ZBTB16: variants seen among roughly 807,000 people sequenced by gnomAD.
ZBTB16 encodes the protein zinc finger and BTB domain-containing protein 16.
In ZBTB16, 8 loss-of-function variants were observed where a neutral mutation model predicts 56.8. The ratio of observed to expected loss-of-function variants is 0.14; its 90% CI spans 0.08 to 0.25. ZBTB16 has a LOEUF of 0.25. ZBTB16 is among the 10% of genes least tolerant of loss of function. The pLI, the probability that ZBTB16 is intolerant of heterozygous loss-of-function variation, is 1.00. For missense variants in ZBTB16, 625 were observed against 903.0 expected (o/e 0.69, Z 3.95); for synonymous variants, 363 against 368.5 (o/e 0.98, Z 0.17).
At chr11:114,108,002 A>G (rs901654217) in intron 2 of ZBTB16, among the ~76,000 whole-genome samples, 3 of 151,142 alleles carry the variant, frequency 2.0e-5, no homozygotes, top group Non-Finnish European at 4.4e-5. Context: ...GATTATTATC[A>G]TTATTATTAT....
At chr11:114,114,783 G>A (rs770408814) in intron 2 of ZBTB16, among the ~76,000 whole-genome samples, 2 of 151,602 alleles carry the variant, frequency 1.3e-5, no homozygotes, top group Admixed American at 1.3e-4. Flanking sequence ...AGGCTCAAGC[G>A]ATCCTCCTAT....
At chr11:114,216,943 TTTA>T (rs149752010) in intron 4 of ZBTB16, among the ~76,000 whole-genome samples, 136,717 of 152,086 alleles carry the variant, frequency 0.9, 61,642 homozygotes, top group East Asian at 0.94. Context: ...GATAGAGATA[TTTA>T]TTATACACAG....
intron 5 of ZBTB16, among the ~76,000 whole-genome samples, chr11:114,242,771 C>T (rs1041475592): frequency 2.6e-5 from 4 of 152,238 alleles, no homozygotes; most frequent in African/African-American, 7.2e-5. Context: ...CCCCGCCGCT[C>T]TATCCATACA....
intron 2 of ZBTB16, among the ~76,000 whole-genome samples, chr11:114,088,526 G>C (rs1237843250): frequency 6.6e-6 from 1 of 152,152 alleles, no homozygotes; most frequent in Non-Finnish European, 1.5e-5. Flanking sequence ...ATCCTATTCA[G>C]TTATACAGCC....
chr11:114,208,724 C>G (rs915280920), intron 4 of ZBTB16, among the ~76,000 whole-genome samples: 17 of 152,176 alleles, frequency 1.1e-4, no homozygotes, highest in African/African-American at 3.9e-4. Context: ...CCTGCACGTA[C>G]CACCACCACA....
At chr11:114,129,300 A>G (rs1395191326) in intron 2 of ZBTB16, among the ~76,000 whole-genome samples, 1 of 152,248 alleles carries the variant, frequency 6.6e-6, no homozygotes, top group Non-Finnish European at 1.5e-5. Flanking sequence ...TGACTCTGCA[A>G]TTACTGAGTA....
intron 2 of ZBTB16, among the ~76,000 whole-genome samples, chr11:114,073,795 G>GT (rs770470883): frequency 2.0e-5 from 3 of 152,162 alleles, no homozygotes; most frequent in Non-Finnish European, 4.4e-5. Flanking sequence ...ATTTGAAGTG[G>GT]TTTTTAGAGT....
chr11:114,148,661 T>C (rs1186672531), intron 2 of ZBTB16, among the ~76,000 whole-genome samples: 2 of 151,014 alleles, frequency 1.3e-5, no homozygotes, highest in Non-Finnish European at 3.0e-5. Context: ...GCCTGGCTAA[T>C]TTTTTGTATT....
At chr11:114,139,995 C>T (rs944785012) in intron 2 of ZBTB16, among the ~76,000 whole-genome samples, 7 of 152,192 alleles carry the variant, frequency 4.6e-5, no homozygotes, top group South Asian at 2.1e-4. Flanking sequence ...CTTCCGTCCT[C>T]GGTCAAGAAC....
intron 2 of ZBTB16, among the ~76,000 whole-genome samples, chr11:114,128,342 G>A (rs557867149): frequency 5.5e-4 from 83 of 152,278 alleles, no homozygotes; most frequent in African/African-American, 1.9e-3. Flanking sequence ...TCCCGGATAC[G>A]ACAGCCACCC....
At chr11:114,080,445 CCT>C (rs150621909) in intron 2 of ZBTB16, among the ~76,000 whole-genome samples, 331 of 147,736 alleles carry the variant, frequency 2.2e-3, no homozygotes, top group Non-Finnish European at 2.3e-3. Flanking sequence ...GCTGGTGCTC[CCT>C]CTCTCTCTCT....
chr11:114,079,641 G>A (rs1237290577), intron 2 of ZBTB16, among the ~76,000 whole-genome samples: 1 of 152,208 alleles, frequency 6.6e-6, no homozygotes, highest in Non-Finnish European at 1.5e-5. Flanking sequence ...GAGGGTAGAT[G>A]TGACTATTGG....
chr11:114,061,331 A>G (rs1938851492), intron 1 of ZBTB16: 1 of 152,080 alleles, frequency 6.6e-6, no homozygotes, highest in African/African-American at 2.4e-5. Flanking sequence ...GGCTTGTTTC[A>G]GGGCGCCAAG....
intron 2 of ZBTB16, among the ~76,000 whole-genome samples, chr11:114,122,691 T>TGCAGACC (rs1454098651): frequency 6.6e-6 from 1 of 152,276 alleles, no homozygotes; most frequent in African/African-American, 2.4e-5. Flanking sequence ...TTCACCTCTC[T>TGCAGACC]GCAGACCACA....
chr11:114,076,431 A>T (rs1369631834), intron 2 of ZBTB16, among the ~76,000 whole-genome samples: 3 of 152,134 alleles, frequency 2.0e-5, no homozygotes, highest in Non-Finnish European at 2.9e-5. Flanking sequence ...CTTTACGTGG[A>T]AAAACTGTGT....
intron 2 of ZBTB16, among the ~76,000 whole-genome samples, chr11:114,128,078 T>G (rs1482478438): frequency 6.6e-6 from 1 of 152,200 alleles, no homozygotes; most frequent in Non-Finnish European, 1.5e-5. Flanking sequence ...ATCTAAGCCT[T>G]TCTTGCTCAG....
At chr11:114,182,598 C>T (rs1943274707) in intron 3 of ZBTB16, among the ~76,000 whole-genome samples, 1 of 152,158 alleles carries the variant, frequency 6.6e-6, no homozygotes, top group Non-Finnish European at 1.5e-5. Context: ...CCCTGGAGTT[C>T]TCCCTACTCC....
intron 3 of ZBTB16, among the ~76,000 whole-genome samples, chr11:114,171,698 A>G (rs186458730): frequency 1.6e-4 from 25 of 152,332 alleles, no homozygotes; most frequent in East Asian, 3.9e-4. Flanking sequence ...CTTTGGGAGC[A>G]TACATAGAGT....
chr11:114,096,657 G>T (rs75768555), intron 2 of ZBTB16, among the ~76,000 whole-genome samples: 2 of 152,214 alleles, frequency 1.3e-5, no homozygotes, highest in South Asian at 4.2e-4. Context: ...CTTTATTAAG[G>T]TGCATTTCTG....
Sources: gnomAD v4.1 joint callset for allele counts (sites outside exome capture counted in the v4.1 genomes callset) on GRCh38, gnomAD v4.1.1 for gene constraint, MANE v1.5 for transcripts, NCBI Gene and HGNC (gene_info 2026-07-23, HGNC 2026-07-21) for gene names.